The following KDM4C variants were observed in gnomAD, a reference collection of about 807,000 sequenced individuals.
The protein encoded by KDM4C is lysine demethylase 4C, also known as lysine-specific demethylase 4C.
In KDM4C, 81 loss-of-function variants were observed where a neutral mutation model predicts 129.3. The ratio of observed to expected loss-of-function variants is 0.63; its 90% CI spans 0.52 to 0.75. KDM4C has a LOEUF of 0.75. Among genes scored for constraint, KDM4C ranks in the 30% least tolerant of loss-of-function variants. The pLI, the probability that KDM4C is intolerant of heterozygous loss-of-function variation, is 0.00. For missense variants in KDM4C, 1,457 were observed against 1,304.0 expected, an observed-to-expected ratio of 1.12 and a Z score of -1.81; for synonymous variants, 573 against 456.1, an observed-to-expected ratio of 1.26 and a Z score of -3.26.
Position 6,942,891 on chromosome 9 carries a change from C to T in KDM4C, c.922-38034C>T, listed in dbSNP as rs1485200063. On this transcript the variant is annotated intron_variant, in intron 8 of 21. Transcript: ENST00000381309. Reference sequence around the variant, plus strand: ...AATTTATTATTATTATTTTTTGAGACGGCTTTACTCTGTCACCTCGGCTGA... The same window carrying T: ...AATTTATTATTATTATTTTTTGAGATGGCTTTACTCTGTCACCTCGGCTGA... Among the ~76,000 whole-genome samples the T allele has an allele frequency of 5.3e-5, 8 of 151,982 alleles. No homozygotes were observed. In the East Asian group the frequency reaches 1.2e-3, roughly 22 times the overall value.
At chr9:6,873,231 A>C (rs531319593) in intron 5 of KDM4C, among the ~76,000 whole-genome samples, 76 of 152,242 alleles carry the variant, frequency 5.0e-4, no homozygotes, top group South Asian at 1.5e-3. Context: ...TCCTGACCTC[A>C]GGTGATCCAC....
At chr9:6,776,432 T>A (rs1823056769) in intron 1 of KDM4C, among the ~76,000 whole-genome samples, 1 of 151,966 alleles carries the variant, frequency 6.6e-6, no homozygotes, top group Non-Finnish European at 1.5e-5. Flanking sequence ...CAGCTAATTT[T>A]TTGTATTTTT....
At chr9:6,798,603 G>A (rs1375793235) in intron 2 of KDM4C, among the ~76,000 whole-genome samples, 4 of 152,190 alleles carry the variant, frequency 2.6e-5, no homozygotes, top group Non-Finnish European at 5.9e-5. Context: ...ATTTTTCTTA[G>A]TATAGAACAA....
intron 1 of KDM4C, among the ~76,000 whole-genome samples, chr9:6,738,429 C>G (rs983455257): frequency 6.6e-6 from 1 of 152,148 alleles, no homozygotes; most frequent in Non-Finnish European, 1.5e-5. Context: ...TAGCAGAAAC[C>G]ATGCCACTGT....
chr9:7,089,485 T>A (rs182097921), intron 17 of KDM4C, among the ~76,000 whole-genome samples: 3 of 152,314 alleles, frequency 2.0e-5, no homozygotes, highest in Admixed American at 1.3e-4. Context: ...TTTTCTGAAT[T>A]TTTCTACTTA....
chr9:6,920,322 A>G lies in KDM4C; in HGVS notation c.921+27090A>G, dbSNP rs561141681. Among the ~76,000 whole-genome samples the G allele has an allele frequency of 5.3e-5, 8 of 152,260 alleles. No individual in the cohort carries two copies. The South Asian group carries it at 1.5e-3, about 28-fold the overall frequency. ...ATAAAAAAACAGTCTTAGGTTTTAT[A>G]ATAGTGATGTTATCTGTAGAAGCAA... On this transcript the variant is annotated intron_variant, in intron 8 of 21. Coordinates refer to ENST00000381309, the MANE Select transcript of KDM4C (RefSeq NM_015061.6).
At chr9:6,995,488 C>A (rs886138748) in intron 12 of KDM4C, among the ~76,000 whole-genome samples, 9 of 152,178 alleles carry the variant, frequency 5.9e-5, no homozygotes, top group Non-Finnish European at 8.8e-5. Context: ...TAGCAATTCA[C>A]TGAAACATTA....
At chr9:6,858,687 C>T (rs370753207) in intron 5 of KDM4C, among the ~76,000 whole-genome samples, 8 of 151,960 alleles carry the variant, frequency 5.3e-5, no homozygotes, top group South Asian at 4.2e-4. Context: ...GCATGAGAAT[C>T]GCTTCACCTG....
At chr9:6,732,364 CAAAAAAAAAAAAAAAAAAAAA>C (rs66904997) in intron 1 of KDM4C, among the ~76,000 whole-genome samples, 7 of 29,980 alleles carry the variant, frequency 2.3e-4, no homozygotes, top group East Asian at 1.5e-3. Flanking sequence ...GACTCTGTCT[CAAAAAAAAAAAAAAAAAAAAA>C]AAAAAAAAAA....
At chr9:7,023,095 G>T (rs1215637182) in intron 15 of KDM4C, among the ~76,000 whole-genome samples, 1 of 152,110 alleles carries the variant, frequency 6.6e-6, no homozygotes, top group African/African-American at 2.4e-5. Context: ...CAGGGCTATT[G>T]GCTGTGGTTT....
chr9:6,784,406 A>G (rs1400361831), intron 1 of KDM4C, among the ~76,000 whole-genome samples: 9 of 151,836 alleles, frequency 5.9e-5, no homozygotes, highest in Non-Finnish European at 1.3e-4. Context: ...TTTTTTTTGT[A>G]TTATTAGTAG....
Position 6,934,350 on chromosome 9 carries a change from G to A in KDM4C, c.921+41118G>A, listed in dbSNP as rs563090927. Reference sequence around the variant, plus strand: ...AAAAAAATTAGCCGTTTGTGCTGGCGGTCCCTGTAGTCCCAGCTACTTGGG... The same window carrying A: ...AAAAAAATTAGCCGTTTGTGCTGGCAGTCCCTGTAGTCCCAGCTACTTGGG... On this transcript the variant is annotated intron_variant, in intron 8 of 21. Transcript: ENST00000381309. 3.1e-4 allele frequency among the ~76,000 whole-genome samples: 26 copies of A among 84,594 alleles called. No homozygotes were observed. In the East Asian group the frequency reaches 6.9e-3, roughly 22 times the overall value. The allele number at this position is 84,594 out of a possible 152,430, so 55.5% of individuals were successfully genotyped here.
chr9:6,960,411 C>G lies in KDM4C; in HGVS notation c.922-20514C>G, dbSNP rs373205195. Among the ~76,000 whole-genome samples, 6 of 151,614 alleles carry G rather than the reference C, an allele frequency of 4.0e-5. No individual in the cohort carries two copies. In the East Asian group the frequency reaches 7.8e-4, roughly 20 times the overall value. ...CCTCTCTCCTCAGTCTCCTGAGTAG[C>G]TGGAACTATAAGCTTGCATCACCAC... is the stretch of plus-strand genomic sequence containing the variant. On this transcript the variant is annotated intron_variant, in intron 8 of 21. Coordinates refer to ENST00000381309, the MANE Select transcript of KDM4C (RefSeq NM_015061.6).
intron 19 of KDM4C, among the ~76,000 whole-genome samples, chr9:7,156,045 A>T (rs574987628): frequency 3.0e-4 from 45 of 152,242 alleles, no homozygotes; most frequent in African/African-American, 1.1e-3. Flanking sequence ...TTTAATGATC[A>T]CCATTCTAAC....
intron 15 of KDM4C, among the ~76,000 whole-genome samples, chr9:7,020,725 A>G (rs1052829352): frequency 3.3e-5 from 5 of 152,202 alleles, no homozygotes; most frequent in African/African-American, 1.2e-4. Context: ...TACATGAGAT[A>G]CTTTGATACA....
chr9:7,076,741 T>A (rs1215442218), intron 17 of KDM4C: 2 of 1,180,620 alleles, frequency 1.7e-6, no homozygotes, highest in Non-Finnish European at 2.1e-6. Flanking sequence ...TAAAATGACT[T>A]CCTTTGATTA....
intron 15 of KDM4C, among the ~76,000 whole-genome samples, chr9:7,016,283 A>T (rs1397073497): frequency 2.0e-5 from 3 of 151,760 alleles, no homozygotes; most frequent in African/African-American, 7.3e-5. Context: ...ACCCGCCACC[A>T]CGCCTGGCTA....
chr9:6,775,068 G>C (rs1267138890), intron 1 of KDM4C, among the ~76,000 whole-genome samples: 1 of 152,188 alleles, frequency 6.6e-6, no homozygotes, highest in African/African-American at 2.4e-5. Context: ...CAGAGTGCAA[G>C]TGCAGTGGCA....
chr9:7,013,637 TA>T (rs919371902), intron 13 of KDM4C, 150 bp from the exon 14 acceptor site: 4 of 667,146 alleles, frequency 6.0e-6, no homozygotes, highest in Non-Finnish European at 7.4e-6. Flanking sequence ...AATATTGATT[TA>T]AAAAAAACTA....
Sources: gnomAD v4.1 joint callset for allele counts (sites outside exome capture counted in the v4.1 genomes callset) on GRCh38, gnomAD v4.1.1 for gene constraint, MANE v1.5 for transcripts, NCBI Gene and HGNC (gene_info 2026-07-23, HGNC 2026-07-21) for gene names.